SLC25A21: variants seen among roughly 807,000 people sequenced by gnomAD.
SLC25A21 encodes the protein mitochondrial 2-oxodicarboxylate carrier.
In SLC25A21, 47 loss-of-function variants were observed where a neutral mutation model predicts 43.8. The ratio of observed to expected loss-of-function variants is 1.07; its 90% CI spans 0.85 to 1.37. The LOEUF (loss-of-function observed/expected upper bound fraction) is 1.37, where lower values mean the gene tolerates loss of function less well. Among genes scored for constraint, SLC25A21 ranks in the 40% most tolerant of loss-of-function variants. The pLI, the probability that SLC25A21 is intolerant of heterozygous loss-of-function variation, is 0.00. For synonymous variants in SLC25A21, 131 were observed against 121.3 expected (o/e 1.08, Z -0.52); for missense variants, 352 against 350.2 (o/e 1.00, Z -0.04).
At chr14:37,004,822 C>T (rs1181853855) in intron 1 of SLC25A21, among the ~76,000 whole-genome samples, 2 of 150,262 alleles carry the variant, frequency 1.3e-5, no homozygotes, top group African/African-American at 4.9e-5. Flanking sequence ...TTACTGATTT[C>T]AAATCCCAAT....
chr14:36,894,630 G>C (rs1594674790), intron 1 of SLC25A21, among the ~76,000 whole-genome samples: 1 of 152,142 alleles, frequency 6.6e-6, no homozygotes, highest in East Asian at 1.9e-4. Context: ...TTTTCAAAGG[G>C]AATGCTTCCA....
At chr14:37,147,844 C>CTTTTTTTT (rs61239254) in intron 1 of SLC25A21, among the ~76,000 whole-genome samples, 5 of 126,250 alleles carry the variant, frequency 4.0e-5, no homozygotes, top group Non-Finnish European at 6.3e-5. Flanking sequence ...TTTTTCTTTT[C>CTTTTTTTT]TTTTTTTTTT....
intron 1 of SLC25A21, among the ~76,000 whole-genome samples, chr14:36,992,153 G>A (rs1268537155): frequency 2.0e-5 from 3 of 152,226 alleles, no homozygotes; most frequent in African/African-American, 7.2e-5. Flanking sequence ...GGTCATCCCT[G>A]AGAATCTATC....
At chr14:36,898,434 C>A (rs983255218) in intron 1 of SLC25A21, among the ~76,000 whole-genome samples, 3 of 152,158 alleles carry the variant, frequency 2.0e-5, no homozygotes, top group African/African-American at 7.2e-5. Context: ...CCGTCTGTCA[C>A]CCCTTTCTTT....
chr14:37,169,010 C>T (rs938860089), intron 1 of SLC25A21, among the ~76,000 whole-genome samples: 7 of 152,202 alleles, frequency 4.6e-5, no homozygotes, highest in Admixed American at 3.3e-4. Context: ...TTCAGTTGAA[C>T]GCAAGACTTT....
intron 1 of SLC25A21, among the ~76,000 whole-genome samples, chr14:37,100,967 G>T (rs1275860359): frequency 6.6e-6 from 1 of 152,126 alleles, no homozygotes; most frequent in African/African-American, 2.4e-5. Flanking sequence ...GTCTCACCCA[G>T]CCCATTTGCT....
intron 1 of SLC25A21, among the ~76,000 whole-genome samples, chr14:36,957,870 C>T (rs1304290077): frequency 1.3e-5 from 2 of 152,146 alleles, no homozygotes; most frequent in African/African-American, 2.4e-5. Context: ...TAATGATATT[C>T]ATTTATGTAT....
At chr14:37,100,740 T>G (rs1038968408) in intron 1 of SLC25A21, among the ~76,000 whole-genome samples, 1 of 152,160 alleles carries the variant, frequency 6.6e-6, no homozygotes, top group Admixed American at 6.5e-5. Flanking sequence ...GACAGCACAA[T>G]GTAGTGGGTC....
chr14:36,754,044 C>T (rs1050571514), intron 3 of SLC25A21, among the ~76,000 whole-genome samples: 8 of 151,902 alleles, frequency 5.3e-5, no homozygotes, highest in Non-Finnish European at 1.0e-4. Flanking sequence ...AAACTTTTAC[C>T]TGATTCTATT....
intron 7 of SLC25A21, among the ~76,000 whole-genome samples, chr14:36,699,355 T>C (rs1157390373): frequency 3.3e-5 from 5 of 152,116 alleles, no homozygotes; most frequent in African/African-American, 1.2e-4. Context: ...ATATGAGGGG[T>C]CTGTGGGTCC....
At chr14:37,099,727 TA>T (rs1328056609) in intron 1 of SLC25A21, among the ~76,000 whole-genome samples, 4 of 152,168 alleles carry the variant, frequency 2.6e-5, no homozygotes, top group Non-Finnish European at 5.9e-5. Context: ...TTGGGAACTT[TA>T]AATGTATCTT....
At chr14:37,172,230 G>C (rs1964144589) in intron 1 of SLC25A21, 51 bp downstream of exon 1, 3 of 1,523,032 alleles carry the variant, frequency 2.0e-6, no homozygotes, top group South Asian at 2.5e-5. Context: ...TTCAGGACAC[G>C]CGGTGGGGAA....
intron 7 of SLC25A21, among the ~76,000 whole-genome samples, chr14:36,686,454 C>CCAGCTCTGGTTGTCTGACCTCTGATGAGT (rs1291572194): frequency 6.6e-6 from 1 of 152,098 alleles, no homozygotes; most frequent in Non-Finnish European, 1.5e-5. Context: ...GAATTCTAGA[C>CCAGCTCTGGTTGTCTGACCTCTGATGAGT]CAGCTCTGGT....
At chr14:36,995,211 C>G (rs1037970902) in intron 1 of SLC25A21, among the ~76,000 whole-genome samples, 1 of 152,096 alleles carries the variant, frequency 6.6e-6, no homozygotes, top group African/African-American at 2.4e-5. Flanking sequence ...AAATGTCACG[C>G]TACAAAAAAT....
intron 1 of SLC25A21, among the ~76,000 whole-genome samples, chr14:37,066,638 A>T (rs1019201469): frequency 1.3e-5 from 2 of 152,160 alleles, no homozygotes; most frequent in Non-Finnish European, 2.9e-5. Context: ...GATGTATGTA[A>T]TTTACAACAA....
At chr14:37,077,683 A>C (rs547527010) in intron 1 of SLC25A21, among the ~76,000 whole-genome samples, 12 of 152,326 alleles carry the variant, frequency 7.9e-5, no homozygotes, top group African/African-American at 2.9e-4. Context: ...AATATTTCCT[A>C]AAGAAAAAGA....
intron 1 of SLC25A21, among the ~76,000 whole-genome samples, chr14:36,965,338 T>C (rs1959588525): frequency 6.6e-6 from 1 of 152,140 alleles, no homozygotes. Context: ...AAAGTCTTGG[T>C]TTATGTTTTT....
chr14:36,782,583 C>T (rs57152743), intron 3 of SLC25A21, among the ~76,000 whole-genome samples: 6,136 of 152,222 alleles, frequency 0.04, 410 homozygotes, highest in African/African-American at 0.14. Context: ...AACACCCTCA[C>T]CAGTCAGCCC....
At chr14:36,991,780 T>A (rs1960268962) in intron 1 of SLC25A21, among the ~76,000 whole-genome samples, 1 of 152,188 alleles carries the variant, frequency 6.6e-6, no homozygotes. Flanking sequence ...TCTACTAACC[T>A]GGGCTGTTCA....
Sources: allele counts gnomAD v4.1 joint callset (sites outside exome capture counted in the v4.1 genomes callset), GRCh38; gene constraint gnomAD v4.1.1; transcripts MANE v1.5; gene names NCBI Gene and HGNC (gene_info 2026-07-23, HGNC 2026-07-21).